Variants in CADM2 observed in about 807,000 individuals in gnomAD.
The protein encoded by CADM2 is cell adhesion molecule 2.
Under a neutral mutation model 49.8 loss-of-function variants are expected in CADM2, and 12 were observed. The observed-to-expected ratio is 0.24, with a 90% confidence interval of 0.15 to 0.39. The LOEUF (loss-of-function observed/expected upper bound fraction) is 0.39, where lower values mean the gene tolerates loss of function less well. CADM2 is among the 10% of genes least tolerant of loss of function. The pLI is 1.00. For missense variants in CADM2, 378 were observed against 492.3 expected, an observed-to-expected ratio of 0.77 and a Z score of 2.20; for synonymous variants, 214 against 175.4, an observed-to-expected ratio of 1.22 and a Z score of -1.74.
chr3:85,826,254 G>A (rs2073905267), intron 3 of CADM2, among the ~76,000 whole-genome samples: 3 of 151,974 alleles, frequency 2.0e-5, no homozygotes, highest in African/African-American at 4.8e-5. Context: ...CATGGCATAT[G>A]TGCAATTACT....
chr3:85,116,320 G>A lies in CADM2; in HGVS notation c.61+156652G>A, dbSNP rs148639996. Among the ~76,000 whole-genome samples, 12 of 152,222 alleles carry A rather than the reference G, an allele frequency of 7.9e-5. No homozygotes were observed. In the East Asian group the frequency reaches 9.7e-4, roughly 12 times the overall value. ...CAGCCTGGGCAACGAAGTGATCTCC[G>A]TCTCAAAACAAACAAACAAACAACA... is the stretch of plus-strand genomic sequence containing the variant. On this transcript the variant is annotated intron_variant, in intron 1 of 9. Transcript: ENST00000383699.
In CADM2 at chr3:85,244,975, A is replaced by G. The variant is rs187426212; in HGVS notation, c.61+285307A>G. Among the ~76,000 whole-genome samples the G allele has an allele frequency of 1.8e-3, 273 of 152,318 alleles. 1 individual carries two copies. Among genetic ancestry groups the G allele is most frequent in the African/African-American group, 6.3e-3 (262 of 41,572 alleles). ...TATTTTATCTATTTTACAAAAGACT[A>G]AAATGACACCTGCAATACAGTATTA... On this transcript the variant is annotated intron_variant, in intron 1 of 9. Coordinates refer to ENST00000383699, the MANE Select transcript of CADM2 (RefSeq NM_001167675.2).
chr3:85,661,627 C>T (rs1031282760), intron 1 of CADM2, among the ~76,000 whole-genome samples: 5 of 151,802 alleles, frequency 3.3e-5, no homozygotes, highest in African/African-American at 7.3e-5. Flanking sequence ...TTTTTCTCCC[C>T]TAAGTATTTT....
chr3:85,887,188 G>A (rs1019548668), intron 5 of CADM2, among the ~76,000 whole-genome samples: 1 of 133,302 alleles, frequency 7.5e-6, no homozygotes, highest in South Asian at 2.4e-4. Context: ...CTAGGCTCCA[G>A]TGATTTTCCC....
intron 1 of CADM2, among the ~76,000 whole-genome samples, chr3:85,213,865 A>G (rs1393339566): frequency 1.3e-5 from 2 of 151,414 alleles, no homozygotes; most frequent in Non-Finnish European, 2.9e-5. Context: ...ACTCTGATAC[A>G]CTCTTCAGTA....
chr3:85,443,421 T>G (rs987291695), intron 1 of CADM2, among the ~76,000 whole-genome samples: 7 of 152,126 alleles, frequency 4.6e-5, no homozygotes, highest in African/African-American at 1.7e-4. Flanking sequence ...TCCAGCCTCA[T>G]TCCCATTTCT....
intron 1 of CADM2, among the ~76,000 whole-genome samples, chr3:85,111,087 A>G (rs2038440339): frequency 6.6e-6 from 1 of 152,062 alleles, no homozygotes; most frequent in Non-Finnish European, 1.5e-5. Flanking sequence ...TGGCAAATTT[A>G]TAAAATCAAT....
At chr3:85,961,806 A>G (rs1724850934) in intron 8 of CADM2, among the ~76,000 whole-genome samples, 159 bp downstream of exon 8, 1 of 151,976 alleles carries the variant, frequency 6.6e-6, no homozygotes, top group Non-Finnish European at 1.5e-5. Flanking sequence ...TATATTTAAT[A>G]TTAATATATT....
At chr3:85,999,372 G>T (rs902538347) in intron 8 of CADM2, among the ~76,000 whole-genome samples, 1 of 151,934 alleles carries the variant, frequency 6.6e-6, no homozygotes, top group African/African-American at 2.4e-5. Flanking sequence ...AGGCATGATG[G>T]TGTGCACCTG....
At chr3:85,023,544 C>T (rs571173258) in intron 1 of CADM2, among the ~76,000 whole-genome samples, 2 of 151,990 alleles carry the variant, frequency 1.3e-5, no homozygotes, top group East Asian at 1.9e-4. Flanking sequence ...AAAAAGGTCT[C>T]GGCCCCTCTC....
chr3:85,505,053 C>T (rs935140774), intron 1 of CADM2, among the ~76,000 whole-genome samples: 2 of 152,142 alleles, frequency 1.3e-5, no homozygotes, highest in Admixed American at 6.5e-5. Context: ...CCGCTGGCGC[C>T]TCTCCCTCCA....
chr3:85,013,406 T>C (rs914747439), intron 1 of CADM2, among the ~76,000 whole-genome samples: 1 of 151,958 alleles, frequency 6.6e-6, no homozygotes, highest in Non-Finnish European at 1.5e-5. Flanking sequence ...AATCAAATAC[T>C]TAAAACATTT....
At chr3:85,441,828 G>A (rs1216265558) in intron 1 of CADM2, among the ~76,000 whole-genome samples, 3 of 151,944 alleles carry the variant, frequency 2.0e-5, no homozygotes, top group Non-Finnish European at 4.4e-5. Context: ...ACATGGAATT[G>A]ATTTAAAAAG....
At chr3:85,416,683 A>G (rs2035936208) in intron 1 of CADM2, among the ~76,000 whole-genome samples, 2 of 152,184 alleles carry the variant, frequency 1.3e-5, no homozygotes, top group Admixed American at 1.3e-4. Flanking sequence ...AATACGAAAA[A>G]AATTTCACAA....
intron 8 of CADM2, among the ~76,000 whole-genome samples, chr3:86,000,643 A>G (rs1332165927): frequency 6.6e-6 from 1 of 151,904 alleles, no homozygotes; most frequent in Admixed American, 6.6e-5. Context: ...TCTTTCACGG[A>G]TAGGAAATAG....
At chr3:85,295,274 T>A (rs978348181) in intron 1 of CADM2, among the ~76,000 whole-genome samples, 1 of 151,394 alleles carries the variant, frequency 6.6e-6, no homozygotes, top group Non-Finnish European at 1.5e-5. Context: ...TGGCAATCAT[T>A]AAAAAGTCAG....
At chr3:85,828,498 G>T (rs2074029108) in intron 3 of CADM2, among the ~76,000 whole-genome samples, 1 of 151,978 alleles carries the variant, frequency 6.6e-6, no homozygotes, top group African/African-American at 2.4e-5. Context: ...CGTATGACCA[G>T]GTAAGGCCTC....
chr3:86,018,757 A>C (rs1437870587), intron 8 of CADM2, among the ~76,000 whole-genome samples: 2 of 152,034 alleles, frequency 1.3e-5, no homozygotes, highest in South Asian at 2.1e-4. Flanking sequence ...GTTTGAGTTC[A>C]TTGTAGATTC....
intron 1 of CADM2, among the ~76,000 whole-genome samples, chr3:85,064,729 CAGGCT>C (rs1234016909): frequency 6.6e-6 from 1 of 152,098 alleles, no homozygotes; most frequent in African/African-American, 2.4e-5. Flanking sequence ...GTTCATTGCT[CAGGCT>C]AGATCATATT....
Sources: gnomAD v4.1 joint callset for allele counts (sites outside exome capture counted in the v4.1 genomes callset) on GRCh38, gnomAD v4.1.1 for gene constraint, MANE v1.5 for transcripts, NCBI Gene and HGNC (gene_info 2026-07-23, HGNC 2026-07-21) for gene names.